RABGAP1L: variants seen among roughly 807,000 people sequenced by gnomAD.
RABGAP1L encodes RAB GTPase activating protein 1 like.
A neutral mutation model predicts 137.7 loss-of-function variants in RABGAP1L; 63 were observed. The ratio of observed to expected loss-of-function variants is 0.46; its 90% CI spans 0.37 to 0.56. The LOEUF (loss-of-function observed/expected upper bound fraction) is 0.56, where lower values mean the gene tolerates loss of function less well. Among genes scored for constraint, RABGAP1L ranks in the 20% least tolerant of loss-of-function variants. The pLI is 0.00. For missense variants in RABGAP1L, 1,095 were observed against 1,244.0 expected, an observed-to-expected ratio of 0.88 and a Z score of 1.80; for synonymous variants, 431 against 433.7, an observed-to-expected ratio of 0.99 and a Z score of 0.08.
intron 13 of RABGAP1L, among the ~76,000 whole-genome samples, chr1:174,409,791 A>G (rs1649697216): frequency 6.6e-6 from 1 of 152,150 alleles, no homozygotes. Context: ...CCGTACCCTC[A>G]GGCTTACTAG....
At chr1:174,685,009 G>T (rs898104335) in intron 15 of RABGAP1L, among the ~76,000 whole-genome samples, 14 of 151,894 alleles carry the variant, frequency 9.2e-5, no homozygotes, top group African/African-American at 3.4e-4. Context: ...AAAAGGAAAA[G>T]AAAATGTCAG....
At chr1:174,623,833 A>G (rs544827455) in intron 13 of RABGAP1L, among the ~76,000 whole-genome samples, 1 of 152,190 alleles carries the variant, frequency 6.6e-6, no homozygotes, top group Admixed American at 6.5e-5. Context: ...CTCATCAGGC[A>G]TGATGTTCCA....
chr1:174,800,126 T>G, intron 18 of RABGAP1L: 1 of 1,375,604 alleles, frequency 7.3e-7, no homozygotes, highest in Non-Finnish European at 9.4e-7. Context: ...TGATTTCATT[T>G]TCATTTTCCA....
intron 19 of RABGAP1L, among the ~76,000 whole-genome samples, chr1:174,928,801 G>A (rs1663240115): frequency 6.6e-6 from 1 of 151,984 alleles, no homozygotes; most frequent in Non-Finnish European, 1.5e-5. Context: ...CTATATACCA[G>A]GCTCAGTGCT....
intron 1 of RABGAP1L, among the ~76,000 whole-genome samples, chr1:174,195,745 T>TTCTC (rs1458748295): frequency 9.2e-5 from 12 of 129,838 alleles, no homozygotes; most frequent in East Asian, 2.0e-4. Context: ...CTTTCTTTCT[T>TTCTC]TCTTTCTCTC....
chr1:174,413,671 C>T (rs1571687430), intron 13 of RABGAP1L, among the ~76,000 whole-genome samples: 1 of 152,066 alleles, frequency 6.6e-6, no homozygotes, highest in East Asian at 1.9e-4. Flanking sequence ...ACCCTCCTCC[C>T]CCCCTTTCTC....
At chr1:174,304,863 C>A (rs2148769891) in intron 10 of RABGAP1L, 123 bp from the exon 11 acceptor site, 1 of 849,860 alleles carries the variant, frequency 1.2e-6, no homozygotes, top group Non-Finnish European at 1.7e-6. Context: ...CTCAGACATG[C>A]TGTAGATCAA....
intron 17 of RABGAP1L, among the ~76,000 whole-genome samples, chr1:174,738,649 G>A (rs1683149048): frequency 6.6e-6 from 1 of 152,138 alleles, no homozygotes; most frequent in Admixed American, 6.6e-5. Flanking sequence ...ACACATGGGG[G>A]AGGTTGAGAC....
intron 1 of RABGAP1L, among the ~76,000 whole-genome samples, chr1:174,205,931 A>T (rs1255277439): frequency 1.3e-5 from 2 of 152,222 alleles, no homozygotes; most frequent in Non-Finnish European, 2.9e-5. Flanking sequence ...AGATTTATTA[A>T]GACTGAGGAT....
intron 1 of RABGAP1L, among the ~76,000 whole-genome samples, chr1:174,194,396 A>G (rs1343719674): frequency 3.3e-5 from 5 of 151,950 alleles, no homozygotes; most frequent in Admixed American, 6.6e-5. Flanking sequence ...CACCACGCCC[A>G]GCTAATTTTT....
At chr1:174,426,220 T>C (rs938628219) in intron 13 of RABGAP1L, among the ~76,000 whole-genome samples, 2 of 152,166 alleles carry the variant, frequency 1.3e-5, no homozygotes, top group African/African-American at 4.8e-5. Context: ...TTATAAATAG[T>C]CCCATAATGA....
At chr1:174,204,217 C>G (rs1433429081) in intron 1 of RABGAP1L, among the ~76,000 whole-genome samples, 1 of 152,202 alleles carries the variant, frequency 6.6e-6, no homozygotes, top group Non-Finnish European at 1.5e-5. Context: ...TCCCAAAGTG[C>G]TGGGATTATA....
intron 13 of RABGAP1L, among the ~76,000 whole-genome samples, chr1:174,486,701 G>T (rs1398868675): frequency 6.6e-6 from 1 of 151,890 alleles, no homozygotes; most frequent in Non-Finnish European, 1.5e-5. Flanking sequence ...GTTTACTCTT[G>T]GTTTTCTAGT....
intron 12 of RABGAP1L, among the ~76,000 whole-genome samples, chr1:174,380,705 G>T (rs1225108544): frequency 1.4e-5 from 2 of 139,914 alleles, no homozygotes; most frequent in African/African-American, 5.3e-5. Context: ...CTTGCTAGCG[G>T]TCTATCAATT....
chr1:174,983,780 T>C (rs1201794787), intron 24 of RABGAP1L, among the ~76,000 whole-genome samples: 1 of 152,182 alleles, frequency 6.6e-6, no homozygotes, highest in Non-Finnish European at 1.5e-5. Flanking sequence ...GTACCTGACA[T>C]ACAAGACCTT....
chr1:174,826,719 A>G (rs1691601851), intron 19 of RABGAP1L, among the ~76,000 whole-genome samples: 1 of 152,152 alleles, frequency 6.6e-6, no homozygotes, highest in Non-Finnish European at 1.5e-5. Flanking sequence ...TAAATCTCTA[A>G]TCTGTTCACC....
chr1:174,504,415 A>G (rs574634239), intron 13 of RABGAP1L, among the ~76,000 whole-genome samples: 338 of 116,494 alleles, frequency 2.9e-3, no homozygotes, highest in African/African-American at 0.022. Flanking sequence ...AACTTGAGGG[A>G]AAAAAAAAAA....
At chr1:174,482,360 T>C (rs1659189303) in intron 13 of RABGAP1L, among the ~76,000 whole-genome samples, 3 of 152,250 alleles carry the variant, frequency 2.0e-5, no homozygotes, top group Admixed American at 1.3e-4. Flanking sequence ...ATTCCAAGAC[T>C]TGCTTAATTC....
At chr1:174,795,684 GCCTC>G (rs1456632043) in intron 18 of RABGAP1L, among the ~76,000 whole-genome samples, 1 of 152,126 alleles carries the variant, frequency 6.6e-6, no homozygotes, top group African/African-American at 2.4e-5. Context: ...TCCCACTTCA[GCCTC>G]CTGGTTAGCT....
Sources: allele counts gnomAD v4.1 joint callset (sites outside exome capture counted in the v4.1 genomes callset), GRCh38; gene constraint gnomAD v4.1.1; transcripts MANE v1.5; gene names NCBI Gene and HGNC (gene_info 2026-07-23, HGNC 2026-07-21).